NDUFA9: variants seen among roughly 807,000 people sequenced by gnomAD.
The protein encoded by NDUFA9 is NADH:ubiquinone oxidoreductase subunit A9.
In NDUFA9, 23 loss-of-function variants were observed where a neutral mutation model predicts 45.9. That is an observed-to-expected ratio of 0.50 (90% CI 0.36 to 0.71). The LOEUF (loss-of-function observed/expected upper bound fraction) is 0.71. Among genes scored for constraint, NDUFA9 ranks in the 30% least tolerant of loss-of-function variants. The pLI is 0.00. For missense variants in NDUFA9, 466 were observed against 488.2 expected (o/e 0.95, Z 0.43); for synonymous variants, 176 against 170.5 (o/e 1.03, Z -0.25).
At position 4,693,645 on chromosome 12, in the gene NDUFA9, T is replaced by A. The variant is rs1462276981; in HGVS notation, c.*6537T>A. ...TGATGGTTTGAGATGGTAACTGAAG[T>A]TGTAGAAGTAGATGTTGAGGATGAA... On this transcript the variant is annotated 3_prime_UTR_variant, in exon 11 of 11. Coordinates refer to ENST00000266544, the MANE Select transcript of NDUFA9 (RefSeq NM_005002.5). 6.6e-6 allele frequency: 1 copy of A among 152,168 alleles called. No individual in the cohort carries two copies. The highest frequency in any genetic ancestry group is 1.9e-4 in the East Asian group (1 of 5,196). The allele number at this position is 152,168 out of a possible 1,614,324, so 9.4% of individuals were successfully genotyped here. A position where few individuals can be genotyped will look rare whatever the true frequency, so the allele number is the denominator to read the frequency against.
At chr12:4,660,682 G>A (rs896120057) in intron 5 of NDUFA9, among the ~76,000 whole-genome samples, 2 of 152,188 alleles carry the variant, frequency 1.3e-5, no homozygotes, top group Non-Finnish European at 2.9e-5. Context: ...GGGAAACCAG[G>A]AGAGTACAGT....
In NDUFA9 at chr12:4,654,813, A is replaced by G. The variant is rs1945780127; in HGVS notation, c.221-12A>G. Reference sequence around the variant, plus strand: ...TTAATGTTGATCCTTTTTTCAATCCATTCTCTTTTAGGACGCATGGGGTCA... The same window carrying G: ...TTAATGTTGATCCTTTTTTCAATCCGTTCTCTTTTAGGACGCATGGGGTCA... On this transcript the variant is annotated splice_polypyrimidine_tract_variant and intron_variant, in intron 2 of 10. Transcript: ENST00000266544. The G allele has an allele frequency of 1.9e-6, 3 of 1,583,318 alleles. No homozygotes were observed. Among genetic ancestry groups the G allele is most frequent in the Admixed American group, 3.7e-5 (2 of 53,586 alleles).
intron 1 of NDUFA9, among the ~76,000 whole-genome samples, chr12:4,649,834 T>C (rs1945745864): frequency 6.6e-6 from 1 of 152,156 alleles, no homozygotes; most frequent in South Asian, 2.1e-4. Flanking sequence ...TAGAATTTGT[T>C]AGCATTATTT....
At position 4,654,855 on chromosome 12, in the gene NDUFA9, A is replaced by T; in HGVS notation, c.251A>T (p.Tyr84Phe). The T allele has an allele frequency of 1.2e-6, 2 of 1,613,910 alleles. No homozygotes were observed. Among genetic ancestry groups the T allele is most frequent in the Non-Finnish European group, 1.7e-6 (2 of 1,179,892 alleles). ...GRMGSQVIIP[Y>F]RCDKYDIMHL... is the part of the protein sequence containing the mutation. The stretch of plus-strand genomic sequence containing the variant: ...ATGGGGTCACAGGTAATCATACCCT[A>T]TCGGTGTGATAAATATGACATCATG... Residue 84 changes from tyrosine (Y) to phenylalanine (F), a missense_variant, in exon 3 of 11, where the codon TAT becomes TTT. Transcript: ENST00000266544.
chr12:4,679,746 C>A (rs571234647), intron 8 of NDUFA9, among the ~76,000 whole-genome samples: 4 of 152,096 alleles, frequency 2.6e-5, no homozygotes, highest in Non-Finnish European at 4.4e-5. Context: ...TAAAAGGGAG[C>A]AAAGGAAACG....
chr12:4,669,868 C>T, intron 8 of NDUFA9, 51 bp downstream of exon 8: 1 of 1,267,288 alleles, frequency 7.9e-7, no homozygotes, highest in Non-Finnish European at 1.2e-6. Context: ...ATGAAGGAAT[C>T]AATATCTAAA....
At chr12:4,671,045 A>G (rs1945884059) in intron 8 of NDUFA9, among the ~76,000 whole-genome samples, 1 of 150,966 alleles carries the variant, frequency 6.6e-6, no homozygotes, top group Non-Finnish European at 1.5e-5. Flanking sequence ...CAGTGTAGAT[A>G]TTTTTCCTCT....
intron 9 of NDUFA9, among the ~76,000 whole-genome samples, chr12:4,684,710 G>A (rs1424837768): frequency 2.0e-5 from 3 of 152,178 alleles, no homozygotes; most frequent in African/African-American, 4.8e-5. Flanking sequence ...TAGCAGTGAA[G>A]AGATGGCAGT....
intron 8 of NDUFA9, among the ~76,000 whole-genome samples, chr12:4,673,883 G>A (rs1011083351): frequency 6.6e-6 from 1 of 152,118 alleles, no homozygotes; most frequent in Non-Finnish European, 1.5e-5. Context: ...CACCAAGGCT[G>A]AAATGAAGGA....
At chr12:4,658,911 C>T in intron 4 of NDUFA9, 125 bp from the exon 5 acceptor site, 1 of 1,035,636 alleles carries the variant, frequency 9.7e-7, no homozygotes, top group Non-Finnish European at 1.4e-6. Context: ...TAAGTTAAAT[C>T]ATTGCTGTTT....
At chr12:4,666,590 A>G (rs1309795465) in intron 6 of NDUFA9, among the ~76,000 whole-genome samples, 1 of 152,036 alleles carries the variant, frequency 6.6e-6, no homozygotes, top group African/African-American at 2.4e-5. Flanking sequence ...GTCCAATTTT[A>G]TTCTTTTGCA....
rs1945978893 is a variant in NDUFA9, at chr12:4,685,309, G to A, written c.947G>A (p.Arg316Lys). Reference sequence around the variant, plus strand: ...AGCCCATTTGAGCCCTGGATAACAAGGGATAAAGTGGAGCGGGTGAGTACA... The same window carrying A: ...AGCCCATTTGAGCCCTGGATAACAAAGGATAAAGTGGAGCGGGTGAGTACA... ...EISPFEPWIT[R>K]DKVERMHITD... Residue 316 changes from arginine (R) to lysine (K), a missense_variant, in exon 10 of 11, where the codon AGG (arginine) becomes AAG (lysine). Transcript: ENST00000266544. The A allele has an allele frequency of 6.2e-6, 10 of 1,613,932 alleles. No homozygotes were observed. Among genetic ancestry groups the A allele is most frequent in the Non-Finnish European group, 7.6e-6 (9 of 1,179,788 alleles).
intron 2 of NDUFA9, 40 bp from the exon 3 acceptor site, chr12:4,654,785 A>G (rs141286245): frequency 5.8e-5 from 83 of 1,431,660 alleles, no homozygotes; most frequent in Non-Finnish European, 7.7e-5. Context: ...TATCCACATT[A>G]TGTTAATGTT....
At chr12:4,665,791 G>A (rs1261604035) in intron 6 of NDUFA9, among the ~76,000 whole-genome samples, 1 of 149,848 alleles carries the variant, frequency 6.7e-6, no homozygotes, top group Non-Finnish European at 1.5e-5. Flanking sequence ...TTCTAAGGTG[G>A]TATTTCATTG....
At chr12:4,666,633 T>G (rs529311009) in intron 6 of NDUFA9, among the ~76,000 whole-genome samples, 1 of 152,326 alleles carries the variant, frequency 6.6e-6, no homozygotes, top group Admixed American at 6.5e-5. Flanking sequence ...AAGATTATCT[T>G]TCCCCATTGA....
intron 3 of NDUFA9, chr12:4,655,232 A>G (rs913633523): frequency 4.0e-6 from 1 of 246,924 alleles, no homozygotes; most frequent in Non-Finnish European, 7.8e-6. Context: ...CAATATGTAC[A>G]CAAATGGGCA....
chr12:4,658,658 C>A (rs1356408796), intron 4 of NDUFA9, among the ~76,000 whole-genome samples: 1 of 152,160 alleles, frequency 6.6e-6, no homozygotes, highest in Non-Finnish European at 1.5e-5. Context: ...TACTGGATTT[C>A]TAACTTAAAG....
Position 4,667,231 on chromosome 12 carries a change from A to T in NDUFA9, c.656-1226A>T, listed in dbSNP as rs560427821. 2.0e-4 allele frequency among the ~76,000 whole-genome samples: 30 copies of T among 152,226 alleles called. No homozygotes were observed. The East Asian group carries it at 4.8e-3, about 25-fold the overall frequency. ...TGAAGCCTCCTTTATGAGGGCCTTA[A>T]TCCTATTCATGAGGGAGCACCCTCA... is the stretch of plus-strand genomic sequence containing the variant. On this transcript the variant is annotated intron_variant, in intron 6 of 10. Coordinates refer to ENST00000266544, the MANE Select transcript of NDUFA9 (RefSeq NM_005002.5).
chr12:4,660,793 C>T (rs1317070712), intron 5 of NDUFA9, among the ~76,000 whole-genome samples: 1 of 152,156 alleles, frequency 6.6e-6, no homozygotes, highest in Non-Finnish European at 1.5e-5. Context: ...CTCCTTGGAT[C>T]TACTGACATG....
Sources: allele counts gnomAD v4.1 joint callset (sites outside exome capture counted in the v4.1 genomes callset), GRCh38; gene constraint gnomAD v4.1.1; transcripts MANE v1.5; gene names NCBI Gene and HGNC (gene_info 2026-07-23, HGNC 2026-07-21).